The following RALYL variants were observed in gnomAD, a reference collection of about 807,000 sequenced individuals.
The protein encoded by RALYL is RNA-binding Raly-like protein.
In RALYL, 29 loss-of-function variants were observed where a neutral mutation model predicts 35.1. That is an observed-to-expected ratio of 0.83 (90% confidence interval 0.61 to 1.13). The LOEUF is 1.13. Ranked by LOEUF, RALYL falls within the 50% of genes most tolerant of loss-of-function variation. The pLI, the probability that RALYL is intolerant of heterozygous loss-of-function variation, is 0.00. For missense variants in RALYL, 359 were observed against 360.4 expected, an observed-to-expected ratio of 1.00 and a Z score of 0.03; for synonymous variants, 120 against 127.6, an observed-to-expected ratio of 0.94 and a Z score of 0.40.
In RALYL at chr8:84,535,578, G is replaced by A. The variant is rs181435237; in HGVS notation, c.256+6001G>A. On this transcript the variant is annotated intron_variant, in intron 2 of 8. Coordinates refer to ENST00000521268, the MANE Select transcript of RALYL (RefSeq NM_173848.7). ...AGCCTCCTGAGTAGCTGGAGCTACAGGTGCCTGCCACCACGCCCGGCTAAT... is the reference window on the plus strand; with the variant it reads ...AGCCTCCTGAGTAGCTGGAGCTACAAGTGCCTGCCACCACGCCCGGCTAAT... 9.9e-3 allele frequency among the ~76,000 whole-genome samples: 1,422 copies of A among 144,342 alleles called. 12 individuals carry two copies. Among genetic ancestry groups the A allele is most frequent in the Non-Finnish European group, 0.014 (943 of 65,674 alleles). The allele number at this position is 144,342 out of a possible 152,430, so 94.7% of individuals were successfully genotyped here.
chr8:84,621,041 C>T (rs1412371405), intron 2 of RALYL, among the ~76,000 whole-genome samples: 36 of 147,928 alleles, frequency 2.4e-4, no homozygotes, highest in East Asian at 4.1e-4. Context: ...TTACTGCTGT[C>T]TTTTTGTTTG....
intron 1 of RALYL, among the ~76,000 whole-genome samples, chr8:84,442,840 A>G (rs2048481785): frequency 6.6e-6 from 1 of 152,138 alleles, no homozygotes; most frequent in Admixed American, 6.5e-5. Flanking sequence ...AGTGACAGCC[A>G]GCATCTTCTG....
intron 2 of RALYL, among the ~76,000 whole-genome samples, chr8:84,729,916 C>G (rs1845802975): frequency 6.6e-6 from 1 of 152,160 alleles, no homozygotes; most frequent in South Asian, 2.1e-4. Context: ...AAAAAGAGTC[C>G]AGGACCAGAT....
chr8:84,378,572 C>T (rs1213023653), intron 1 of RALYL, among the ~76,000 whole-genome samples: 11 of 151,814 alleles, frequency 7.2e-5, no homozygotes, highest in Admixed American at 1.3e-4. Context: ...TGTAAAATTT[C>T]GCTACAGTTG....
chr8:84,344,635 T>C (rs1300949260), intron 1 of RALYL, among the ~76,000 whole-genome samples: 1 of 152,082 alleles, frequency 6.6e-6, no homozygotes, highest in Non-Finnish European at 1.5e-5. Context: ...CACTAACATA[T>C]CTATCATCTT....
At chr8:84,665,767 G>T (rs148952886) in intron 2 of RALYL, 4 of 151,478 alleles carry the variant, frequency 2.6e-5, no homozygotes, top group African/African-American at 9.7e-5. Context: ...GGAGAAATAC[G>T]GAACACTTCA....
chr8:84,833,915 T>A (rs1177536761), intron 4 of RALYL, among the ~76,000 whole-genome samples: 2 of 151,420 alleles, frequency 1.3e-5, no homozygotes, highest in Admixed American at 6.6e-5. Context: ...ATGCTAAGCC[T>A]TCAGTAAATG....
Position 84,790,058 on chromosome 8 carries a change from T to TAG in RALYL, c.333-14710_333-14709dup, listed in dbSNP as rs1248115836. ...GTCTTAGGGGTAGGTGAAGCACATA[T>TAG]AGACAGGCAGTTAGTAGTCTCACTG... On this transcript the variant is annotated intron_variant, in intron 3 of 8. Coordinates refer to ENST00000521268, the MANE Select transcript of RALYL (RefSeq NM_173848.7). 2.0e-5 allele frequency among the ~76,000 whole-genome samples: 3 copies of TAG among 152,200 alleles called. No homozygotes were observed. In the East Asian group the frequency reaches 5.8e-4, roughly 29 times the overall value.
intron 5 of RALYL, among the ~76,000 whole-genome samples, chr8:84,851,738 T>A (rs2134830603): frequency 6.6e-6 from 1 of 152,186 alleles, no homozygotes; most frequent in Admixed American, 6.5e-5. Context: ...TTCCATCTCC[T>A]CATACCTCCC....
intron 2 of RALYL, among the ~76,000 whole-genome samples, chr8:84,614,114 A>G (rs977530886): frequency 6.6e-6 from 1 of 151,492 alleles, no homozygotes; most frequent in African/African-American, 2.4e-5. Flanking sequence ...TACTATAAAG[A>G]TTAGTGTTTG....
At chr8:84,843,480 A>G (rs1271014443) in intron 4 of RALYL, among the ~76,000 whole-genome samples, 2 of 152,224 alleles carry the variant, frequency 1.3e-5, no homozygotes, top group East Asian at 1.9e-4. Flanking sequence ...ATACAAAGAA[A>G]TGGAAGAACA....
At chr8:84,660,534 G>A (rs1185126229) in intron 2 of RALYL, among the ~76,000 whole-genome samples, 1 of 151,860 alleles carries the variant, frequency 6.6e-6, no homozygotes, top group Non-Finnish European at 1.5e-5. Context: ...TTCTTACAGT[G>A]AATCATTTCA....
At chr8:84,316,198 C>A (rs1843721841) in intron 1 of RALYL, among the ~76,000 whole-genome samples, 1 of 152,128 alleles carries the variant, frequency 6.6e-6, no homozygotes, top group Admixed American at 6.5e-5. Context: ...ACGATTTACT[C>A]TTTAGCATCT....
At chr8:84,396,092 A>T (rs956717063) in intron 1 of RALYL, among the ~76,000 whole-genome samples, 1 of 151,874 alleles carries the variant, frequency 6.6e-6, no homozygotes, top group African/African-American at 2.4e-5. Context: ...TTTGATAGTA[A>T]TTTTTTTCAA....
In RALYL at chr8:84,529,316, C is replaced by A. The variant is rs200005910; in HGVS notation, c.-6C>A. ...TGTTTAAGGATTAAAGCAAGGAGAGCCAATCATGACTGGCAAAACACAGAC... is the reference window on the plus strand; with the variant it reads ...TGTTTAAGGATTAAAGCAAGGAGAGACAATCATGACTGGCAAAACACAGAC... On this transcript the variant is annotated 5_prime_UTR_variant, in exon 2 of 9. Transcript: ENST00000521268. 405 of 1,564,324 alleles carry A rather than the reference C, an allele frequency of 2.6e-4. 1 individual carries two copies. The highest frequency in any genetic ancestry group is 2.7e-4 in the Non-Finnish European group (311 of 1,152,688).
chr8:84,261,324 G>A (rs563829714), intron 1 of RALYL, among the ~76,000 whole-genome samples: 2 of 152,070 alleles, frequency 1.3e-5, no homozygotes, highest in African/African-American at 2.4e-5. Flanking sequence ...TAATCCCCAC[G>A]TGTGGTGGAA....
At chr8:84,313,378 C>T (rs982039539) in intron 1 of RALYL, among the ~76,000 whole-genome samples, 1 of 152,178 alleles carries the variant, frequency 6.6e-6, no homozygotes, top group African/African-American at 2.4e-5. Context: ...AATTTCTGCA[C>T]CCAGCTCGAA....
At position 84,380,657 on chromosome 8, in the gene RALYL, G is replaced by A. The variant is rs74845226; in HGVS notation, c.-23-148642G>A. Among the ~76,000 whole-genome samples the A allele has an allele frequency of 2.5e-3, 375 of 152,022 alleles. 1 individual carries two copies. Among genetic ancestry groups the A allele is most frequent in the Non-Finnish European group, 3.6e-3 (246 of 67,888 alleles). On this transcript the variant is annotated intron_variant, in intron 1 of 8. Transcript: ENST00000521268. ...GTTTGAAATCGTAGAAGTGGAGAAC[G>A]AAAAGGAGCAGATGCTTGTGTCTCT...
chr8:84,249,125 A>C (rs935168468), intron 1 of RALYL, among the ~76,000 whole-genome samples: 1 of 152,138 alleles, frequency 6.6e-6, no homozygotes, highest in African/African-American at 2.4e-5. Context: ...CAATATTGGA[A>C]TTATTTAAAA....
Sources: gnomAD v4.1 joint callset for allele counts (sites outside exome capture counted in the v4.1 genomes callset) on GRCh38, gnomAD v4.1.1 for gene constraint, MANE v1.5 for transcripts, NCBI Gene and HGNC (gene_info 2026-07-23, HGNC 2026-07-21) for gene names.